Variants in TMED5 observed in about 807,000 individuals in gnomAD.
The protein encoded by TMED5 is transmembrane p24 trafficking protein 5.
A neutral mutation model predicts 23.0 loss-of-function variants in TMED5; 27 were observed. The observed-to-expected ratio is 1.17, with a 90% CI of 0.86 to 1.62. The LOEUF is 1.62. Among genes scored for constraint, TMED5 ranks in the 40% most tolerant of loss-of-function variants. The pLI, the probability that TMED5 is intolerant of heterozygous loss-of-function variation, is 0.00. For synonymous variants in TMED5, 97 were observed against 100.8 expected (o/e 0.96, Z 0.23); for missense variants, 248 against 273.7 (o/e 0.91, Z 0.66).
chr1:93,164,465 T>A (rs988069242), intron 1 of TMED5, among the ~76,000 whole-genome samples: 8 of 152,110 alleles, frequency 5.3e-5, no homozygotes, highest in African/African-American at 9.7e-5. Context: ...TTAATTTTTT[T>A]AAAAAGTCCA....
At chr1:93,156,709 A>C (rs1297835686) in intron 2 of TMED5, among the ~76,000 whole-genome samples, 1 of 150,456 alleles carries the variant, frequency 6.6e-6, no homozygotes, top group Non-Finnish European at 1.5e-5. Context: ...AAAAATTAGC[A>C]GAGTGTGAGG....
rs1189040128 is a variant in TMED5, at chr1:93,150,956, C to T, written c.*3714G>A. The T allele has an allele frequency of 2.0e-5, 3 of 152,172 alleles. No individual in the cohort carries two copies. The highest frequency in any genetic ancestry group is 7.2e-5 in the African/African-American group (3 of 41,446). 9.4% of individuals were successfully genotyped at this position (152,172 alleles called of 1,614,324 possible). On this transcript the variant is annotated 3_prime_UTR_variant, in exon 4 of 4. Coordinates refer to ENST00000370282, the MANE Select transcript of TMED5 (RefSeq NM_016040.5). ...AACAGAAACAAAAACAACACAAGTA[C>T]TAAAACGAGGGTTTTTGTTTGTAAA... is the stretch of plus-strand genomic sequence containing the variant.
chr1:93,172,952 C>G (rs775940618), intron 1 of TMED5, among the ~76,000 whole-genome samples: 16 of 152,032 alleles, frequency 1.1e-4, no homozygotes, highest in Non-Finnish European at 1.6e-4. Flanking sequence ...GACAGAAAGA[C>G]AAATACTGCA....
chr1:93,153,790 T>C lies in TMED5; in HGVS notation c.*880A>G, dbSNP rs1190286494. On this transcript the variant is annotated 3_prime_UTR_variant, in exon 4 of 4. Transcript: ENST00000370282. Reference sequence around the variant, plus strand: ...AATGAATTATCCAAGTCAGCAATCATGTTAAAATTAACATAACATGATTAT... The same window carrying C: ...AATGAATTATCCAAGTCAGCAATCACGTTAAAATTAACATAACATGATTAT... 1 of 152,172 alleles carries C rather than the reference T, an allele frequency of 6.6e-6. No homozygotes were observed. The highest frequency in any genetic ancestry group is 1.5e-5 in the Non-Finnish European group (1 of 67,996). The allele number at this position is 152,172 out of a possible 1,614,324, so 9.4% of individuals were successfully genotyped here. A position where few individuals can be genotyped will look rare whatever the true frequency, so the allele number is the denominator to read the frequency against.
chr1:93,170,878 CAAAACAGACCAATCAGCTCTCTGT>C (rs935068567), intron 1 of TMED5, among the ~76,000 whole-genome samples: 31 of 152,282 alleles, frequency 2.0e-4, no homozygotes, highest in East Asian at 9.6e-4. Context: ...AGCACCCTGT[CAAAACAGACCAATCAGCTCTCTGT>C]AAAACAGACC....
At chr1:93,175,781 T>C (rs6657230) in intron 1 of TMED5, among the ~76,000 whole-genome samples, 6,216 of 152,268 alleles carry the variant, frequency 0.041, 173 homozygotes, top group Non-Finnish European at 0.061. Flanking sequence ...ACATGTTTGG[T>C]AAACGTCTGG....
intron 1 of TMED5, among the ~76,000 whole-genome samples, chr1:93,164,970 GC>G (rs1224950663): frequency 6.6e-6 from 1 of 152,216 alleles, no homozygotes; most frequent in Non-Finnish European, 1.5e-5. Flanking sequence ...ATGAAGCAAA[GC>G]TTCCATGTTG....
chr1:93,179,849 C>A, intron 1 of TMED5: 1 of 537,580 alleles, frequency 1.9e-6, no homozygotes, highest in Non-Finnish European at 3.2e-6. Flanking sequence ...GTCATCAATT[C>A]CAGGTCCAGC....
chr1:93,155,824 A>C (rs975496609), intron 3 of TMED5, among the ~76,000 whole-genome samples: 7 of 152,164 alleles, frequency 4.6e-5, no homozygotes, highest in African/African-American at 1.7e-4. Context: ...TTAGGTATTT[A>C]CCTATTACAT....
Position 93,152,578 on chromosome 1 carries a change from A to G in TMED5, c.*2092T>C, listed in dbSNP as rs1443212397. 2.0e-5 allele frequency: 3 copies of G among 152,596 alleles called. No individual in the cohort carries two copies. The highest frequency in any genetic ancestry group is 4.8e-5 in the African/African-American group (2 of 41,432). The allele number at this position is 152,596 out of a possible 1,614,324, so 9.5% of individuals were successfully genotyped here. On this transcript the variant is annotated 3_prime_UTR_variant, in exon 4 of 4. Coordinates refer to ENST00000370282, the MANE Select transcript of TMED5 (RefSeq NM_016040.5). ...TTTTTATATGGTAAGAAGTTACTGA[A>G]TCATAGGTTTAAGATCAGTGGCACA...
At chr1:93,177,523 G>A (rs994069672) in intron 1 of TMED5, among the ~76,000 whole-genome samples, 1 of 146,410 alleles carries the variant, frequency 6.8e-6, no homozygotes, top group South Asian at 2.1e-4. Context: ...GTTGCTGTGG[G>A]CCAAGGTCGC....
rs371423817 is a variant in TMED5, at chr1:93,159,398, A to G, written c.287+731T>C. ...CCAACCCTTGTTTATAGCAAATACT[A>G]GATACTCCATATTTGCTCTTCTTCC... is the stretch of plus-strand genomic sequence containing the variant. On this transcript the variant is annotated intron_variant, in intron 2 of 3. Coordinates refer to ENST00000370282, the MANE Select transcript of TMED5 (RefSeq NM_016040.5). Among the ~76,000 whole-genome samples, 170 of 152,276 alleles carry G rather than the reference A, an allele frequency of 1.1e-3. 4 individuals carry two copies. In the South Asian group the frequency reaches 0.015, roughly 13 times the overall value.
chr1:93,175,027 C>T (rs1648855462), intron 1 of TMED5, among the ~76,000 whole-genome samples: 1 of 145,458 alleles, frequency 6.9e-6, no homozygotes, highest in African/African-American at 2.6e-5. Context: ...TGCTGGAGAC[C>T]CTATCTCTTA....
rs1647929493 is a variant in TMED5, at chr1:93,152,938, A to G, written c.*1732T>C. ...CATATACGGCATTTACCTCATTTTT[A>G]AAAACCTTGCCAGTAGGGAAATCTA... On this transcript the variant is annotated 3_prime_UTR_variant, in exon 4 of 4. Transcript: ENST00000370282. 1.3e-5 allele frequency: 2 copies of G among 152,442 alleles called. No individual in the cohort carries two copies. Among genetic ancestry groups the G allele is most frequent in the Non-Finnish European group, 2.9e-5 (2 of 67,978 alleles). 9.4% of individuals were successfully genotyped at this position (152,442 alleles called of 1,614,324 possible).
intron 1 of TMED5, among the ~76,000 whole-genome samples, chr1:93,169,057 A>G (rs1648606939): frequency 6.6e-6 from 1 of 152,194 alleles, no homozygotes; most frequent in Non-Finnish European, 1.5e-5. Flanking sequence ...AAAAATCAGT[A>G]AGGATATAGT....
In TMED5 at chr1:93,156,341, TAA is replaced by T; in HGVS notation, c.428_429del (p.Ile143AsnfsTer35). 1 of 1,613,766 alleles carries T rather than the reference TAA, an allele frequency of 6.2e-7. No homozygotes were observed. The highest frequency in any genetic ancestry group is 1.1e-5 in the South Asian group (1 of 91,076). Reference protein sequence around the residue: ...AQEQEDWKKYITGTDILDMKL... With the variant: ...AQEQEDWKKYXTGTDILDMKL... ...TTCATATCCAATATATCTGTGCCAG[TAA>T]TATATTTCTTCCAATCTTCTTGTTC... On this transcript the variant is annotated frameshift_variant, in exon 3 of 4. Transcript: ENST00000370282. LOFTEE classifies it high-confidence loss of function.
In TMED5 at chr1:93,180,285, G is replaced by C; in HGVS notation, c.-43C>G. On this transcript the variant is annotated 5_prime_UTR_variant, in exon 1 of 4. Transcript: ENST00000370282. ...CGGGCTGAAAGAGGCGTCAGGTACTGTTGTCTCCGCTCCGCGTTTCCTCTC... is the reference window on the plus strand; with the variant it reads ...CGGGCTGAAAGAGGCGTCAGGTACTCTTGTCTCCGCTCCGCGTTTCCTCTC... 6.4e-7 allele frequency: 1 copy of C among 1,557,236 alleles called. No homozygotes were observed. The highest frequency in any genetic ancestry group is 8.6e-7 in the Non-Finnish European group (1 of 1,156,884).
chr1:93,176,438 T>C (rs1356408499), intron 1 of TMED5, among the ~76,000 whole-genome samples: 1 of 152,142 alleles, frequency 6.6e-6, no homozygotes, highest in African/African-American at 2.4e-5. Flanking sequence ...TTACCCCTAG[T>C]AAATATTTTG....
At chr1:93,165,269 C>A (rs574406895) in intron 1 of TMED5, among the ~76,000 whole-genome samples, 3 of 152,022 alleles carry the variant, frequency 2.0e-5, no homozygotes, top group African/African-American at 7.2e-5. Context: ...AGTTTTTTAT[C>A]AATAGATAAC....
Sources: gnomAD v4.1 joint callset for allele counts (sites outside exome capture counted in the v4.1 genomes callset) on GRCh38, gnomAD v4.1.1 for gene constraint, MANE v1.5 for transcripts, NCBI Gene and HGNC (gene_info 2026-07-23, HGNC 2026-07-21) for gene names.